CCSER1: variants seen among roughly 807,000 people sequenced by gnomAD.
CCSER1 encodes coiled-coil serine rich protein 1, also known as serine-rich coiled-coil domain-containing protein 1.
CCSER1 carries 41 observed loss-of-function variants against 82.0 expected under a neutral mutation model. The observed-to-expected ratio is 0.50, with a 90% CI of 0.39 to 0.65. The LOEUF (loss-of-function observed/expected upper bound fraction) is 0.65, where lower values mean the gene tolerates loss of function less well. Among genes scored for constraint, CCSER1 ranks in the 30% least tolerant of loss-of-function variants. The probability of loss-of-function intolerance (pLI) is 0.00; values close to 1 mark genes in which losing one functional copy is unlikely to be tolerated. For synonymous variants in CCSER1, 414 were observed against 383.9 expected, an observed-to-expected ratio of 1.08 and a Z score of -0.92; for missense variants, 1,119 against 1,064.2, an observed-to-expected ratio of 1.05 and a Z score of -0.72.
chr4:91,245,613 C>G (rs1362965129), intron 10 of CCSER1, among the ~76,000 whole-genome samples: 1 of 152,106 alleles, frequency 6.6e-6, no homozygotes, highest in Non-Finnish European at 1.5e-5. Context: ...GGGATTTCAT[C>G]AACAGGAGAC....
intron 7 of CCSER1, chr4:90,780,520 C>T: frequency 4.4e-6 from 7 of 1,596,576 alleles, no homozygotes; most frequent in Non-Finnish European, 6.0e-6. Flanking sequence ...GATGATCCAC[C>T]ATGACTTATT....
intron 1 of CCSER1, among the ~76,000 whole-genome samples, chr4:90,249,234 G>A (rs1325658848): frequency 6.6e-6 from 1 of 152,072 alleles, no homozygotes; most frequent in Non-Finnish European, 1.5e-5. Context: ...GAAGACCATC[G>A]ACTAGAGACA....
intron 6 of CCSER1, among the ~76,000 whole-genome samples, chr4:90,703,956 G>A (rs1347470236): frequency 1.3e-5 from 2 of 152,144 alleles, no homozygotes; most frequent in Non-Finnish European, 2.9e-5. Context: ...TTCAATTGGA[G>A]CATTTAGCCC....
intron 10 of CCSER1, among the ~76,000 whole-genome samples, chr4:91,365,656 A>AT (rs1345411313): frequency 6.6e-6 from 1 of 152,184 alleles, no homozygotes; most frequent in Admixed American, 6.5e-5. Flanking sequence ...CAATTAAATT[A>AT]TTTTTTCCTT....
chr4:90,180,639 T>G (rs1277425414), intron 1 of CCSER1, among the ~76,000 whole-genome samples: 2 of 152,076 alleles, frequency 1.3e-5, no homozygotes, highest in Non-Finnish European at 2.9e-5. Flanking sequence ...CCTCTGTGAC[T>G]TCATTATTAT....
chr4:91,065,051 ACAGTTCCAT>A (rs903651285), intron 9 of CCSER1, among the ~76,000 whole-genome samples: 2 of 152,138 alleles, frequency 1.3e-5, no homozygotes, highest in African/African-American at 2.4e-5. Flanking sequence ...GGCAGGTTTG[ACAGTTCCAT>A]CAGTATACTA....
intron 7 of CCSER1, among the ~76,000 whole-genome samples, chr4:90,745,884 T>C (rs1162427939): frequency 6.6e-6 from 1 of 151,786 alleles, no homozygotes; most frequent in African/African-American, 2.4e-5. Flanking sequence ...TTTTCTTTAG[T>C]AGAGACGGGG....
chr4:91,005,526 T>A (rs911435827), intron 9 of CCSER1, among the ~76,000 whole-genome samples: 2 of 133,104 alleles, frequency 1.5e-5, no homozygotes, highest in Non-Finnish European at 3.2e-5. Context: ...GCTGGAATCA[T>A]TTTTTAAAAT....
chr4:91,290,633 C>T (rs1743672400), intron 10 of CCSER1, among the ~76,000 whole-genome samples: 1 of 151,868 alleles, frequency 6.6e-6, no homozygotes. Flanking sequence ...CTCTATACCT[C>T]AATGATTATA....
At chr4:90,942,732 A>C (rs1731742299) in intron 9 of CCSER1, among the ~76,000 whole-genome samples, 1 of 151,884 alleles carries the variant, frequency 6.6e-6, no homozygotes, top group African/African-American at 2.4e-5. Context: ...CTTTGGGAAG[A>C]AATAAAAATG....
intron 9 of CCSER1, among the ~76,000 whole-genome samples, chr4:90,966,345 A>G (rs1734559815): frequency 6.6e-6 from 1 of 152,106 alleles, no homozygotes; most frequent in Non-Finnish European, 1.5e-5. Flanking sequence ...AAATGTGAAG[A>G]CAGCAAGAGA....
chr4:90,525,314 G>C (rs1267699151), intron 5 of CCSER1, among the ~76,000 whole-genome samples: 2 of 152,062 alleles, frequency 1.3e-5, no homozygotes, highest in African/African-American at 2.4e-5. Context: ...ATAAACGATA[G>C]CCAAATGCCT....
chr4:90,530,592 T>A (rs1404430580), intron 5 of CCSER1, among the ~76,000 whole-genome samples: 1 of 152,152 alleles, frequency 6.6e-6, no homozygotes, highest in Non-Finnish European at 1.5e-5. Flanking sequence ...AGCTGGTGAT[T>A]TCTCAGAACT....
chr4:90,276,466 C>T (rs1421353412), intron 1 of CCSER1, among the ~76,000 whole-genome samples: 3 of 149,604 alleles, frequency 2.0e-5, no homozygotes, highest in Non-Finnish European at 4.4e-5. Context: ...CCTGCTTCAG[C>T]CTCCTGAGTA....
chr4:90,131,601 A>G (rs1303251320), intron 1 of CCSER1, among the ~76,000 whole-genome samples: 1 of 151,954 alleles, frequency 6.6e-6, no homozygotes, highest in Non-Finnish European at 1.5e-5. Flanking sequence ...TATATTTCAT[A>G]TAATAGTTTA....
At chr4:91,503,109 G>A (rs1759297214) in intron 10 of CCSER1, among the ~76,000 whole-genome samples, 1 of 152,038 alleles carries the variant, frequency 6.6e-6, no homozygotes, top group African/African-American at 2.4e-5. Context: ...TTGGGAGGCC[G>A]AGGCGGGCGG....
At chr4:90,670,282 T>C (rs1408568968) in intron 6 of CCSER1, among the ~76,000 whole-genome samples, 1 of 152,096 alleles carries the variant, frequency 6.6e-6, no homozygotes, top group East Asian at 1.9e-4. Flanking sequence ...GAAGCAGACG[T>C]TGAGACAGGA....
chr4:90,646,957 C>T (rs536836159), intron 6 of CCSER1, among the ~76,000 whole-genome samples: 1 of 152,144 alleles, frequency 6.6e-6, no homozygotes, highest in East Asian at 1.9e-4. Context: ...CCCTCATCCC[C>T]CCACCCCAAC....
chr4:90,144,140 T>C (rs1239430235), intron 1 of CCSER1, among the ~76,000 whole-genome samples: 1 of 152,240 alleles, frequency 6.6e-6, no homozygotes, highest in Non-Finnish European at 1.5e-5. Flanking sequence ...TGCTTTTTTC[T>C]CTCAAAATTT....
Sources: allele counts gnomAD v4.1 joint callset (sites outside exome capture counted in the v4.1 genomes callset), GRCh38; gene constraint gnomAD v4.1.1; transcripts MANE v1.5; gene names NCBI Gene and HGNC (gene_info 2026-07-23, HGNC 2026-07-21).